NLGN4X: variants seen among roughly 807,000 people sequenced by gnomAD.
NLGN4X encodes the protein neuroligin-4, X-linked.
In NLGN4X, 3 loss-of-function variants were observed where a neutral mutation model predicts 40.3. That is an observed-to-expected ratio of 0.07 (90% CI 0.03 to 0.19). NLGN4X has a LOEUF of 0.19. Among genes scored for constraint, NLGN4X ranks in the 10% least tolerant of loss-of-function variants. The probability of loss-of-function intolerance (pLI) is 1.00; values close to 1 mark genes in which losing one functional copy is unlikely to be tolerated. For synonymous variants in NLGN4X, 270 were observed against 306.8 expected (o/e 0.88, Z 1.25); for missense variants, 382 against 708.3 (o/e 0.54, Z 5.23).
chrX:5,911,986 GATGT>G (rs1430951657), intron 3 of NLGN4X, among the ~76,000 whole-genome samples: 1 of 112,252 alleles, frequency 8.9e-6, no homozygotes, highest in Non-Finnish European at 1.9e-5. Context: ...ATTCTGCTAA[GATGT>G]AAGCTTAGTT....
At chrX:6,032,644 A>T in intron 2 of NLGN4X, 1 of 878,664 alleles carries the variant, frequency 1.1e-6, no homozygotes. Context: ...AGATAGATAG[A>T]TATAAAATCA....
intron 1 of NLGN4X, among the ~76,000 whole-genome samples, chrX:6,204,144 G>A (rs911740074): frequency 1.4e-4 from 16 of 112,411 alleles, no homozygotes; most frequent in African/African-American, 5.2e-4. Context: ...GAAGAAGGAA[G>A]AAAAGATGTT....
intron 2 of NLGN4X, among the ~76,000 whole-genome samples, chrX:6,122,814 G>T (rs6638599): frequency 1.9e-5 from 2 of 104,479 alleles, no homozygotes; most frequent in Non-Finnish European, 3.9e-5. Flanking sequence ...ACGAGATACC[G>T]GGGAGAAGAA....
chrX:5,999,372 T>A (rs1392637493), intron 3 of NLGN4X, among the ~76,000 whole-genome samples: 1 of 112,245 alleles, frequency 8.9e-6, no homozygotes, highest in Non-Finnish European at 1.9e-5. Context: ...TCATCTTGTT[T>A]TCTAACCTGT....
intron 3 of NLGN4X, among the ~76,000 whole-genome samples, chrX:5,979,015 T>C (rs2035294152): frequency 9.0e-6 from 1 of 111,007 alleles, no homozygotes; most frequent in African/African-American, 3.3e-5. Context: ...CACACACACA[T>C]ATATATACAT....
intron 1 of NLGN4X, among the ~76,000 whole-genome samples, chrX:6,193,497 A>AG (rs1185563454): frequency 9.1e-6 from 1 of 110,322 alleles, no homozygotes; most frequent in African/African-American, 3.3e-5. Flanking sequence ...CTATTTAAAA[A>AG]AAAAAAGAAA....
intron 1 of NLGN4X, among the ~76,000 whole-genome samples, chrX:6,196,875 C>T (rs764962768): frequency 8.9e-6 from 1 of 111,797 alleles, no homozygotes; most frequent in East Asian, 2.8e-4. Flanking sequence ...CAGCATTCTT[C>T]CTGGCTTCTC....
At chrX:6,169,578 A>C (rs746159199) in intron 1 of NLGN4X, among the ~76,000 whole-genome samples, 1 of 113,062 alleles carries the variant, frequency 8.8e-6, no homozygotes, top group South Asian at 3.6e-4. Flanking sequence ...CCTCGAGTTA[A>C]AGGGCATCAC....
At chrX:5,965,637 C>CAGGAGATA (rs2034809140) in intron 3 of NLGN4X, among the ~76,000 whole-genome samples, 1 of 111,504 alleles carries the variant, frequency 9.0e-6, no homozygotes, top group Non-Finnish European at 1.9e-5. Flanking sequence ...CCAGAGAACC[C>CAGGAGATA]AGGAGATAAG....
At chrX:6,015,257 G>A (rs1010267668) in intron 3 of NLGN4X, among the ~76,000 whole-genome samples, 1 of 111,573 alleles carries the variant, frequency 9.0e-6, no homozygotes, top group Non-Finnish European at 1.9e-5. Context: ...TCAAACAGCA[G>A]GTTGTCAATA....
At chrX:5,969,045 T>C (rs911289673) in intron 3 of NLGN4X, among the ~76,000 whole-genome samples, 1 of 111,491 alleles carries the variant, frequency 9.0e-6, no homozygotes, top group African/African-American at 3.3e-5. Context: ...AAGACTTAAA[T>C]GTTAGACCTA....
intron 1 of NLGN4X, among the ~76,000 whole-genome samples, chrX:6,159,496 T>C (rs1023400789): frequency 1.2e-4 from 13 of 112,386 alleles, no homozygotes; most frequent in African/African-American, 3.9e-4. Flanking sequence ...TATCAAACTA[T>C]CTTGGATTTA....
chrX:6,162,955 G>C (rs776216663), intron 1 of NLGN4X, among the ~76,000 whole-genome samples: 34 of 111,778 alleles, frequency 3.0e-4, no homozygotes, highest in Admixed American at 4.8e-4. Context: ...TATAGGGAGA[G>C]GGACCCTGTG....
chrX:5,898,875 G>C (rs940826556), intron 5 of NLGN4X, among the ~76,000 whole-genome samples: 3 of 111,924 alleles, frequency 2.7e-5, no homozygotes, highest in Non-Finnish European at 5.6e-5. Context: ...GCATCAGTTT[G>C]GTTCATTCTC....
intron 3 of NLGN4X, among the ~76,000 whole-genome samples, chrX:5,928,621 T>C (rs2033417149): frequency 2.7e-5 from 3 of 112,018 alleles, no homozygotes; most frequent in South Asian, 7.6e-4. Context: ...TATTCATCAA[T>C]AGTGCAATCA....
At chrX:5,946,948 G>A (rs748269806) in intron 3 of NLGN4X, among the ~76,000 whole-genome samples, 1 of 111,572 alleles carries the variant, frequency 9.0e-6, no homozygotes, top group African/African-American at 3.3e-5. Flanking sequence ...CTCTGTTACC[G>A]ACATAGTTGG....
chrX:5,995,164 G>A (rs1478157376), intron 3 of NLGN4X, among the ~76,000 whole-genome samples: 1 of 112,382 alleles, frequency 8.9e-6, no homozygotes, highest in Non-Finnish European at 1.9e-5. Context: ...GTTAACTGAA[G>A]CAAATGCTCT....
intron 3 of NLGN4X, among the ~76,000 whole-genome samples, chrX:5,909,932 T>C (rs1376636243): frequency 9.0e-6 from 1 of 111,441 alleles, no homozygotes; most frequent in African/African-American, 3.3e-5. Flanking sequence ...TCTCCCCAAC[T>C]GTTCCCAAAA....
chrX:6,133,724 T>C (rs1340672360), intron 2 of NLGN4X, among the ~76,000 whole-genome samples: 2 of 111,928 alleles, frequency 1.8e-5, no homozygotes, highest in African/African-American at 6.5e-5. Flanking sequence ...AAAAAATTCA[T>C]AGCAAGTTTG....
Sources: gnomAD v4.1 joint callset for allele counts (sites outside exome capture counted in the v4.1 genomes callset) on GRCh38, gnomAD v4.1.1 for gene constraint, MANE v1.5 for transcripts, NCBI Gene and HGNC (gene_info 2026-07-23, HGNC 2026-07-21) for gene names.